SP140: variants seen among roughly 807,000 people sequenced by gnomAD.
SP140 encodes the protein nuclear body protein SP140.
SP140 carries 81 observed loss-of-function variants against 125.0 expected under a neutral mutation model. The observed-to-expected ratio is 0.65, with a 90% CI of 0.54 to 0.78. SP140 has a LOEUF of 0.78. SP140 is among the 30% of genes least tolerant of loss of function. The pLI is 0.00. For missense variants in SP140, 858 were observed against 1,037.0 expected, an observed-to-expected ratio of 0.83 and a Z score of 2.37; for synonymous variants, 312 against 354.0, an observed-to-expected ratio of 0.88 and a Z score of 1.33.
chr2:230,238,929 A>C, intron 3 of SP140: 18 of 1,546,666 alleles, frequency 1.2e-5, no homozygotes, highest in Non-Finnish European at 1.4e-5. Flanking sequence ...CATGTGGTTG[A>C]ATTGCAGACT....
intron 3 of SP140, chr2:230,238,806 A>G: frequency 6.4e-7 from 1 of 1,554,932 alleles, no homozygotes; most frequent in South Asian, 1.2e-5. Context: ...GTTTCTCCAA[A>G]CAAAGACTGG....
intron 22 of SP140, among the ~76,000 whole-genome samples, chr2:230,300,174 C>T (rs747217223): frequency 2.2e-4 from 34 of 152,266 alleles, no homozygotes; most frequent in Non-Finnish European, 3.1e-4. Context: ...GAAAGTGCCA[C>T]CTCCTCGCCG....
At position 230,290,385 on chromosome 2, in the gene SP140, A is replaced by G. The variant is rs2056977926; in HGVS notation, c.1721-75A>G. 6.1e-6 allele frequency: 8 copies of G among 1,320,132 alleles called. No homozygotes were observed. In the South Asian group the frequency reaches 7.4e-5, roughly 12 times the overall value. The allele number at this position is 1,320,132 out of a possible 1,614,324, so 81.8% of individuals were successfully genotyped here. A position where few individuals can be genotyped will look rare whatever the true frequency, so the allele number is the denominator to read the frequency against. On this transcript the variant is annotated intron_variant, in intron 18 of 26. Transcript: ENST00000392045. ...TTTCCTAAGTATCCCTCGTGTCTTTATAGGAATTACCTCAGTAGGGAGGGG... is the reference window on the plus strand; with the variant it reads ...TTTCCTAAGTATCCCTCGTGTCTTTGTAGGAATTACCTCAGTAGGGAGGGG...
At chr2:230,307,401 G>A (rs1036467138) in intron 22 of SP140, among the ~76,000 whole-genome samples, 1 of 152,232 alleles carries the variant, frequency 6.6e-6, no homozygotes, top group African/African-American at 2.4e-5. Context: ...CCGCATTGTG[G>A]GTGAAGAGAA....
chr2:230,248,170 A>C, intron 8 of SP140, 105 bp downstream of exon 8: 1 of 1,029,426 alleles, frequency 9.7e-7, no homozygotes, highest in Non-Finnish European at 1.4e-6. Flanking sequence ...CTATCAGATT[A>C]CTGGATTGCA....
At chr2:230,235,597 A>T (rs2047855140) in intron 1 of SP140, among the ~76,000 whole-genome samples, 1 of 152,134 alleles carries the variant, frequency 6.6e-6, no homozygotes, top group Non-Finnish European at 1.5e-5. Flanking sequence ...AGTCCCAATG[A>T]CCATTTCCTG....
rs140792513 is a variant in SP140 at position 230,282,024 on chromosome 2, C to T, written c.1499-2322C>T. Among the ~76,000 whole-genome samples, 673 of 152,230 alleles carry T rather than the reference C, an allele frequency of 4.4e-3. 8 individuals are homozygous for T. Among genetic ancestry groups the T allele is most frequent in the African/African-American group, 0.015 (639 of 41,522 alleles). On this transcript the variant is annotated intron_variant, in intron 15 of 26. Transcript: ENST00000392045. ...TGGATGCTGCACTCATAGGTGTGTG[C>T]AGCAGCAGAAGAATGCTTCACTGAG...
the SP140 span, among the ~76,000 whole-genome samples, chr2:230,194,683 T>G: frequency 6.6e-6 from 1 of 152,210 alleles, no homozygotes; most frequent in Non-Finnish European, 1.5e-5. Flanking sequence ...ACTCCAAATC[T>G]AATCCAGTTT....
At chr2:230,234,582 T>C (rs2047708126) in intron 1 of SP140, among the ~76,000 whole-genome samples, 1 of 152,256 alleles carries the variant, frequency 6.6e-6, no homozygotes, top group African/African-American at 2.4e-5. Context: ...TTTAGTAGTT[T>C]CCTCTTACCT....
intron 16 of SP140, among the ~76,000 whole-genome samples, chr2:230,284,626 A>G (rs918621742): frequency 1.3e-5 from 2 of 152,250 alleles, no homozygotes; most frequent in African/African-American, 4.8e-5. Context: ...CCCACAGTTA[A>G]TAGGGAGGTG....
At chr2:230,288,682 A>G (rs143010041) in intron 18 of SP140, among the ~76,000 whole-genome samples, 165 of 151,842 alleles carry the variant, frequency 1.1e-3, no homozygotes, top group African/African-American at 3.9e-3. Flanking sequence ...ATGTGTCCTT[A>G]TTGTTCGACT....
intron 7 of SP140, 149 bp downstream of exon 7, chr2:230,246,089 C>T: frequency 9.7e-6 from 6 of 620,092 alleles, no homozygotes; most frequent in Non-Finnish European, 5.9e-6. Context: ...ATATATCCAT[C>T]CATCCATCTG....
At chr2:230,294,525 C>T (rs2057478998) in intron 21 of SP140, among the ~76,000 whole-genome samples, 1 of 151,996 alleles carries the variant, frequency 6.6e-6, no homozygotes, top group Non-Finnish European at 1.5e-5. Context: ...TGTTTGGATT[C>T]AACCATTTCA....
chr2:230,247,306 A>T (rs1181253247), intron 7 of SP140, among the ~76,000 whole-genome samples: 3 of 151,786 alleles, frequency 2.0e-5, no homozygotes, highest in Non-Finnish European at 4.4e-5. Flanking sequence ...CACAGATCTG[A>T]CTCCTCTCCC....
chr2:230,203,504 G>C (rs1008684010), intron 1 of SP140: 1 of 152,292 alleles, frequency 6.6e-6, no homozygotes, highest in Non-Finnish European at 1.5e-5. Flanking sequence ...GGGCGGAAGC[G>C]AAAGCCCGGT....
At position 230,204,251 on chromosome 2, in the gene SP140, C is replaced by T. The variant is rs748003422; in HGVS notation, c.-323+972C>T. Reference sequence around the variant, plus strand: ...TCTGACACTGACTCCAGAGGTTTCCCCTCTCTAACAAAGTCACTTCTCTGA... The same window carrying T: ...TCTGACACTGACTCCAGAGGTTTCCTCTCTCTAACAAAGTCACTTCTCTGA... On this transcript the variant is annotated intron_variant, in intron 1 of 4. Coordinates refer to the SP140 transcript ENST00000456542. 1.1e-3 allele frequency among the ~76,000 whole-genome samples: 169 copies of T among 152,256 alleles called. 1 individual carries two copies. The highest frequency in any genetic ancestry group is 6.8e-3 in the Middle Eastern group (2 of 294).
the SP140 span, among the ~76,000 whole-genome samples, chr2:230,188,501 T>C: frequency 3.3e-3 from 501 of 152,312 alleles, 3 homozygotes; most frequent in African/African-American, 0.012. Flanking sequence ...CTGATTGTTC[T>C]GGCTAGGACT....
Position 230,237,348 on chromosome 2 carries a change from C to A in SP140, c.237+88C>A. The A allele has an allele frequency of 8.4e-7, 1 of 1,196,660 alleles. No individual in the cohort carries two copies. Among genetic ancestry groups the A allele is most frequent in the African/African-American group, 1.5e-5 (1 of 64,700 alleles). 74.1% of individuals were successfully genotyped at this position (1,196,660 alleles called of 1,614,324 possible). On this transcript the variant is annotated intron_variant, in intron 2 of 26. Transcript: ENST00000392045. The surrounding 1 kb of genome is among the most constrained non-coding windows in gnomAD (Gnocchi z 5.4). ...ATGCAATGAGCAGGCTAAAGGGCCTCCTGTGAGTGGGGACCTTCACCATTC... is the reference window on the plus strand; with the variant it reads ...ATGCAATGAGCAGGCTAAAGGGCCTACTGTGAGTGGGGACCTTCACCATTC...
intron 15 of SP140, among the ~76,000 whole-genome samples, chr2:230,278,830 G>A (rs1003954556): frequency 4.6e-5 from 7 of 152,106 alleles, no homozygotes; most frequent in African/African-American, 1.7e-4. Flanking sequence ...ATTCAGCATA[G>A]TGATGTAAGT....
Sources: allele counts gnomAD v4.1 joint callset (sites outside exome capture counted in the v4.1 genomes callset), GRCh38; gene constraint gnomAD v4.1.1; non-coding constraint Gnocchi (gnomAD v3.1); transcripts MANE v1.5; gene names NCBI Gene and HGNC (gene_info 2026-07-23, HGNC 2026-07-21).